The following DSCAM variants were observed in gnomAD, a reference collection of about 807,000 sequenced individuals.
The protein encoded by DSCAM is cell adhesion molecule DSCAM.
Under a neutral mutation model 217.7 loss-of-function variants are expected in DSCAM, and 47 were observed. The observed-to-expected ratio is 0.22, with a 90% CI of 0.17 to 0.28. The LOEUF (loss-of-function observed/expected upper bound fraction) is 0.28. Ranked by LOEUF, DSCAM falls within the 10% of genes least tolerant of loss-of-function variation. The pLI, the probability that DSCAM is intolerant of heterozygous loss-of-function variation, is 1.00. For missense variants in DSCAM, 2,080 were observed against 2,618.3 expected, an observed-to-expected ratio of 0.79 and a Z score of 4.49; for synonymous variants, 1,056 against 1,015.3, an observed-to-expected ratio of 1.04 and a Z score of -0.76.
At chr21:40,685,146 T>C (rs1160093181) in intron 3 of DSCAM, among the ~76,000 whole-genome samples, 1 of 152,214 alleles carries the variant, frequency 6.6e-6, no homozygotes, top group Non-Finnish European at 1.5e-5. Context: ...TTCTCCAGCA[T>C]TTCATGATGA....
chr21:40,206,882 G>C (rs115029551), intron 11 of DSCAM, among the ~76,000 whole-genome samples: 5,147 of 152,270 alleles, frequency 0.034, 125 homozygotes, highest in African/African-American at 0.065. Context: ...CTGCATTCCA[G>C]CCTGGGCAGC....
intron 9 of DSCAM, among the ~76,000 whole-genome samples, chr21:40,298,726 A>G (rs1047591187): frequency 6.6e-6 from 1 of 152,132 alleles, no homozygotes; most frequent in Non-Finnish European, 1.5e-5. Context: ...AGCCATCCAC[A>G]TTCTGTGCTC....
At chr21:40,616,489 C>T (rs368382553) in intron 3 of DSCAM, among the ~76,000 whole-genome samples, 23 of 152,288 alleles carry the variant, frequency 1.5e-4, no homozygotes, top group African/African-American at 4.6e-4. Context: ...ACCCAAGCTG[C>T]CCTCCCTGGG....
chr21:40,636,957 T>G (rs1329078036), intron 3 of DSCAM, among the ~76,000 whole-genome samples: 1 of 149,638 alleles, frequency 6.7e-6, no homozygotes, highest in Non-Finnish European at 1.5e-5. Context: ...CAGCACTATC[T>G]CTGTCTGTGG....
At chr21:40,376,622 G>GATATCTATATATCTTAGATACCT (rs1555911135) in intron 3 of DSCAM, among the ~76,000 whole-genome samples, 1 of 45,090 alleles carries the variant, frequency 2.2e-5, no homozygotes, top group Non-Finnish European at 3.9e-5. Context: ...TATAGATATC[G>GATATCTATATATCTTAGATACCT]ATATCTATAT....
intron 3 of DSCAM, among the ~76,000 whole-genome samples, chr21:40,374,136 G>A (rs1266544682): frequency 1.3e-5 from 2 of 152,038 alleles, no homozygotes; most frequent in East Asian, 1.9e-4. Flanking sequence ...TATACACATA[G>A]GTGTGTATAT....
At chr21:40,520,998 C>T (rs1442214927) in intron 3 of DSCAM, among the ~76,000 whole-genome samples, 1 of 152,114 alleles carries the variant, frequency 6.6e-6, no homozygotes, top group Admixed American at 6.5e-5. Context: ...TTTAAAAATA[C>T]TTTCATAGAT....
intron 11 of DSCAM, among the ~76,000 whole-genome samples, chr21:40,197,053 TA>T (rs2091018062): frequency 6.6e-6 from 1 of 152,198 alleles, no homozygotes. Flanking sequence ...GATTAGAATA[TA>T]AGAGAATTTT....
chr21:40,227,502 T>C (rs573561984), intron 11 of DSCAM, among the ~76,000 whole-genome samples: 161 of 152,318 alleles, frequency 1.1e-3, no homozygotes, highest in Non-Finnish European at 2.1e-3. Flanking sequence ...TCTAAAGGCC[T>C]AGCAGCTGTC....
intron 4 of DSCAM, among the ~76,000 whole-genome samples, chr21:40,367,237 G>A (rs962644765): frequency 1.3e-5 from 2 of 152,106 alleles, no homozygotes; most frequent in African/African-American, 4.8e-5. Context: ...GGGACCCGTT[G>A]GTTATTTGCA....
chr21:40,716,610 C>A (rs1437067707), intron 1 of DSCAM, among the ~76,000 whole-genome samples: 2 of 152,092 alleles, frequency 1.3e-5, no homozygotes, highest in African/African-American at 4.8e-5. Context: ...CACTGACAAA[C>A]ATAAAGAAGA....
intron 1 of DSCAM, among the ~76,000 whole-genome samples, chr21:40,814,526 A>T (rs567749753): frequency 8.5e-5 from 13 of 152,374 alleles, no homozygotes; most frequent in African/African-American, 2.9e-4. Context: ...GCTCACATAA[A>T]CACAAGGATT....
intron 3 of DSCAM, among the ~76,000 whole-genome samples, chr21:40,621,851 C>T (rs1032277757): frequency 7.9e-6 from 1 of 126,696 alleles, no homozygotes; most frequent in Non-Finnish European, 1.6e-5. Flanking sequence ...AAAATGTGAA[C>T]TGGCACTGAA....
intron 3 of DSCAM, among the ~76,000 whole-genome samples, chr21:40,520,323 T>C (rs925962294): frequency 6.6e-6 from 1 of 152,174 alleles, no homozygotes; most frequent in Non-Finnish European, 1.5e-5. Context: ...TCTGCAATAA[T>C]TATAGCAAGT....
intron 22 of DSCAM, 84 bp downstream of exon 22, chr21:40,087,086 T>C: frequency 1.0e-6 from 1 of 997,444 alleles, no homozygotes; most frequent in Non-Finnish European, 1.6e-6. Flanking sequence ...AACACAAAAT[T>C]AGGAGACCAC....
chr21:40,442,447 T>C (rs927368549), intron 3 of DSCAM, among the ~76,000 whole-genome samples: 1 of 151,052 alleles, frequency 6.6e-6, no homozygotes, highest in African/African-American at 2.4e-5. Context: ...ATAATAAACA[T>C]GTACTACCAA....
intron 11 of DSCAM, among the ~76,000 whole-genome samples, chr21:40,207,554 T>A (rs1486437649): frequency 1.3e-5 from 2 of 152,242 alleles, no homozygotes; most frequent in Non-Finnish European, 2.9e-5. Flanking sequence ...CATTGCAATC[T>A]TATTGATTAT....
Position 40,339,191 on chromosome 21 carries a change from C to G in DSCAM, c.1435G>C (p.Gly479Arg), listed in dbSNP as rs774946321. The G allele has an allele frequency of 6.2e-7, 1 of 1,614,182 alleles. No individual in the cohort carries two copies. Residue 479 changes from glycine to arginine, a missense_variant, in exon 7 of 33, where the codon GGG (glycine) becomes CGG (arginine). Gly to Arg is a moderately radical substitution (Grantham distance 125, BLOSUM62 -2). Coordinates refer to ENST00000400454, the MANE Select transcript of DSCAM (RefSeq NM_001389.5). The part of the protein sequence containing the change: ...LNISSSQVRD[G>R]GVYRCTANNS... ...TTGGCAGTGCAGCGGTAGACTCCCC[C>G]GTCCCGGACCTGGGAGCTGGAGATG...
intron 3 of DSCAM, among the ~76,000 whole-genome samples, chr21:40,384,402 G>A (rs947911379): frequency 1.3e-5 from 2 of 152,096 alleles, no homozygotes; most frequent in African/African-American, 4.8e-5. Flanking sequence ...GAGGTCAGGA[G>A]TTAGAGACTA....
Sources: gnomAD v4.1 joint callset for allele counts (sites outside exome capture counted in the v4.1 genomes callset) on GRCh38, gnomAD v4.1.1 for gene constraint, MANE v1.5 for transcripts, NCBI Gene and HGNC (gene_info 2026-07-23, HGNC 2026-07-21) for gene names.